The following PRELID2 variants were observed in gnomAD, a reference collection of about 807,000 sequenced individuals.
The protein encoded by PRELID2 is PRELI domain-containing protein 2.
A neutral mutation model predicts 28.4 loss-of-function variants in PRELID2; 25 were observed. That is an observed-to-expected ratio of 0.88 (90% CI 0.64 to 1.23). The LOEUF (loss-of-function observed/expected upper bound fraction) is 1.23, where lower values mean the gene tolerates loss of function less well. PRELID2 is among the 50% of genes most tolerant of loss of function. PRELID2 has a pLI of 0.00. For missense variants in PRELID2, 201 were observed against 214.4 expected, an observed-to-expected ratio of 0.94 and a Z score of 0.39; for synonymous variants, 76 against 71.6, an observed-to-expected ratio of 1.06 and a Z score of -0.31.
chr5:145,438,658 T>C, the PRELID2 span, among the ~76,000 whole-genome samples: 1 of 152,174 alleles, frequency 6.6e-6, no homozygotes, highest in Admixed American at 6.5e-5. Flanking sequence ...GCACAAACTT[T>C]TCTGTTAGTG....
chr5:145,409,235 C>T, the PRELID2 span, among the ~76,000 whole-genome samples: 7 of 152,180 alleles, frequency 4.6e-5, no homozygotes, highest in East Asian at 1.2e-3. Context: ...AACTTTGAAA[C>T]AAACCTTAAA....
intron 1 of PRELID2, among the ~76,000 whole-genome samples, chr5:145,730,077 C>T (rs1188049403): frequency 6.6e-6 from 1 of 152,100 alleles, no homozygotes; most frequent in Non-Finnish European, 1.5e-5. Flanking sequence ...TAGACACATT[C>T]CAGAGCCACA....
intron 1 of PRELID2, among the ~76,000 whole-genome samples, chr5:145,603,603 A>C (rs1753430571): frequency 1.3e-5 from 2 of 152,202 alleles, no homozygotes; most frequent in Non-Finnish European, 2.9e-5. Context: ...CAAATGAAAA[A>C]TTAGAGATGC....
At chr5:145,377,658 A>T in the PRELID2 span, among the ~76,000 whole-genome samples, 3 of 151,956 alleles carry the variant, frequency 2.0e-5, no homozygotes, top group Non-Finnish European at 4.4e-5. Context: ...TCACTTAAAG[A>T]CTGTTTTGTC....
chr5:145,649,830 A>T (rs969136964), intron 1 of PRELID2, among the ~76,000 whole-genome samples: 1 of 152,164 alleles, frequency 6.6e-6, no homozygotes, highest in African/African-American at 2.4e-5. Context: ...TTGTTTTAAC[A>T]CTAATATCTG....
chr5:145,506,258 G>T lies in PRELID2; in HGVS notation n.71-32943C>A, dbSNP rs1241376348. ...CAGAATGGCTTTCTTTCTGTTTCTG[G>T]GACATTCCAAGTTTATTCCCAGTTC... is the stretch of plus-strand genomic sequence containing the variant. On this transcript the variant is annotated intron_variant and non_coding_transcript_variant, in intron 1 of 2. Coordinates refer to the PRELID2 transcript ENST00000510259. 4.6e-5 allele frequency among the ~76,000 whole-genome samples: 7 copies of T among 152,086 alleles called. No homozygotes were observed. The East Asian group carries it at 1.4e-3, about 29-fold the overall frequency.
At chr5:145,494,597 G>A (rs1580957880) in intron 1 of PRELID2, among the ~76,000 whole-genome samples, 1 of 151,928 alleles carries the variant, frequency 6.6e-6, no homozygotes, top group East Asian at 1.9e-4. Flanking sequence ...GTCTCCAGAG[G>A]TCATTAAAGA....
chr5:145,627,426 C>T (rs768833647), intron 1 of PRELID2, among the ~76,000 whole-genome samples: 25 of 151,972 alleles, frequency 1.6e-4, no homozygotes, highest in Admixed American at 5.9e-4. Context: ...CATTAAAAGT[C>T]CAGACTTCAC....
intron 1 of PRELID2, among the ~76,000 whole-genome samples, chr5:145,655,055 A>G (rs1485454375): frequency 2.6e-5 from 4 of 151,896 alleles, no homozygotes; most frequent in South Asian, 2.1e-4. Context: ...GCAAAGTCTC[A>G]GGATACAAAA....
chr5:145,541,043 G>C (rs766889970), intron 1 of PRELID2, among the ~76,000 whole-genome samples: 1 of 151,978 alleles, frequency 6.6e-6, no homozygotes, highest in Non-Finnish European at 1.5e-5. Flanking sequence ...GAACCAAGTT[G>C]TCAAAAGTGT....
chr5:145,638,673 CAAGATAGAGTCTATGACCAAAAAAACAGA>C (rs1234841946), intron 1 of PRELID2, among the ~76,000 whole-genome samples: 1 of 151,984 alleles, frequency 6.6e-6, no homozygotes, highest in Admixed American at 6.6e-5. Flanking sequence ...CTGTCTGGAG[CAAGATAGAGTCTATGACCAAAAAAACAGA>C]AAGATGGAAG....
intron 1 of PRELID2, among the ~76,000 whole-genome samples, chr5:145,697,079 A>G (rs1484937708): frequency 1.7e-5 from 2 of 115,970 alleles, no homozygotes; most frequent in South Asian, 5.0e-4. Flanking sequence ...ATATATATAT[A>G]TACACACACA....
chr5:145,268,480 A>G, the PRELID2 span, among the ~76,000 whole-genome samples: 1 of 152,036 alleles, frequency 6.6e-6, no homozygotes, highest in Admixed American at 6.6e-5. Context: ...TCCACGCACC[A>G]CAGGTACCTC....
At chr5:145,727,404 T>C (rs1008476564) in intron 1 of PRELID2, among the ~76,000 whole-genome samples, 4 of 152,186 alleles carry the variant, frequency 2.6e-5, no homozygotes, top group Non-Finnish European at 5.9e-5. Flanking sequence ...TTTTAGACCC[T>C]GGACCCTGGA....
At position 145,600,044 on chromosome 5, in the gene PRELID2, T is replaced by C. The variant is rs551278471; in HGVS notation, n.71-126729A>G. Among the ~76,000 whole-genome samples, 208 of 152,046 alleles carry C rather than the reference T, an allele frequency of 1.4e-3. 1 individual carries two copies. The highest frequency in any genetic ancestry group is 4.8e-3 in the African/African-American group (199 of 41,328). On this transcript the variant is annotated intron_variant and non_coding_transcript_variant, in intron 1 of 2. Transcript: ENST00000510259. ...AGCTTTAAAGGCTTACAAAGAAATA[T>C]GTTCTATGTTATCTGTGACATTTTT...
intron 1 of PRELID2, among the ~76,000 whole-genome samples, chr5:145,561,530 A>T (rs1164725047): frequency 2.0e-5 from 3 of 152,234 alleles, no homozygotes; most frequent in Non-Finnish European, 4.4e-5. Flanking sequence ...CAAAATTAAC[A>T]GTACTAGGTG....
At chr5:145,769,612 C>A (rs1322768055) in intron 5 of PRELID2, among the ~76,000 whole-genome samples, 1 of 152,304 alleles carries the variant, frequency 6.6e-6, no homozygotes, top group East Asian at 1.9e-4. Flanking sequence ...TCAAAAGGTG[C>A]ATCCACAGGG....
the PRELID2 span, among the ~76,000 whole-genome samples, chr5:145,463,417 T>C: frequency 6.6e-6 from 1 of 151,352 alleles, no homozygotes; most frequent in African/African-American, 2.4e-5. Flanking sequence ...TAGTTTACCA[T>C]GTGATGGGAG....
At chr5:145,373,363 GATATTAT>G in the PRELID2 span, among the ~76,000 whole-genome samples, 143 of 56,008 alleles carry the variant, frequency 2.6e-3, 1 homozygote, top group African/African-American at 8.4e-3. Context: ...TAATATATAT[GATATTAT>G]ATATTACAAC....
Sources: gnomAD v4.1 joint callset for allele counts (sites outside exome capture counted in the v4.1 genomes callset) on GRCh38, gnomAD v4.1.1 for gene constraint, MANE v1.5 for transcripts, NCBI Gene and HGNC (gene_info 2026-07-23, HGNC 2026-07-21) for gene names.